The following GFRA1 variants were observed in gnomAD, a reference collection of about 807,000 sequenced individuals.
GFRA1 encodes GDNF family receptor alpha 1, also known as GDNF family receptor alpha-1.
GFRA1 carries 16 observed loss-of-function variants against 51.6 expected under a neutral mutation model. The observed-to-expected ratio is 0.31, with a 90% confidence interval of 0.21 to 0.47. The LOEUF (loss-of-function observed/expected upper bound fraction) is 0.47. GFRA1 is among the 20% of genes least tolerant of loss of function. The pLI is 1.00. For synonymous variants in GFRA1, 270 were observed against 241.3 expected (o/e 1.12, Z -1.10); for missense variants, 530 against 594.3 (o/e 0.89, Z 1.13).
upstream of GFRA1, among the ~76,000 whole-genome samples, chr10:116,273,651 CTCTCTCTCTCTCTCTCTCTG>C (rs1844112285): frequency 5.9e-4 from 3 of 5,056 alleles, no homozygotes; most frequent in South Asian, 0.025. Context: ...CACACACTCT[CTCTCTCTCTCTCTCTCTCTG>C]TCTCTCTCTC....
chr10:116,271,821 G>A (rs1843964812), intron 2 of GFRA1, among the ~76,000 whole-genome samples, 169 bp downstream of exon 2: 1 of 152,128 alleles, frequency 6.6e-6, no homozygotes, highest in Non-Finnish European at 1.5e-5. Context: ...CGCCGCCACC[G>A]CCTCCCTAAC....
intron 5 of GFRA1, among the ~76,000 whole-genome samples, chr10:116,148,371 G>T (rs1036229233): frequency 6.6e-6 from 1 of 151,980 alleles, no homozygotes; most frequent in African/African-American, 2.4e-5. Flanking sequence ...GTGATTGAGG[G>T]TGAAGACTCT....
chr10:116,144,438 G>A (rs1958706434), intron 5 of GFRA1, among the ~76,000 whole-genome samples: 1 of 151,870 alleles, frequency 6.6e-6, no homozygotes, highest in Admixed American at 6.6e-5. Context: ...TAAATGCTGT[G>A]CTAGTTACCT....
Position 116,154,765 on chromosome 10 carries a change from C to G in GFRA1, c.434-29208G>C, listed in dbSNP as rs552132686. ...TTCATCACAAGCCCTTATTGAGCACCTACAGTATGCCAGGTCCTAGGCTGG... is the reference window on the plus strand; with the variant it reads ...TTCATCACAAGCCCTTATTGAGCACGTACAGTATGCCAGGTCCTAGGCTGG... On this transcript the variant is annotated intron_variant, in intron 5 of 10. Transcript: ENST00000355422. Among the ~76,000 whole-genome samples, 11 of 152,292 alleles carry G rather than the reference C, an allele frequency of 7.2e-5. No homozygotes were observed. The South Asian group carries it at 2.3e-3, about 32-fold the overall frequency.
chr10:116,100,216 C>G (rs920142682), intron 6 of GFRA1, among the ~76,000 whole-genome samples: 1 of 152,208 alleles, frequency 6.6e-6, no homozygotes, highest in Non-Finnish European at 1.5e-5. Context: ...TGCATAACAA[C>G]TACGAAGTAT....
At chr10:116,123,557 C>G (rs1957730653) in intron 6 of GFRA1, among the ~76,000 whole-genome samples, 1 of 151,942 alleles carries the variant, frequency 6.6e-6, no homozygotes, top group Non-Finnish European at 1.5e-5. Context: ...TTAAGTTGAA[C>G]AGAAACTCAG....
chr10:116,201,277 C>T (rs1964309172), intron 5 of GFRA1, among the ~76,000 whole-genome samples: 1 of 152,084 alleles, frequency 6.6e-6, no homozygotes, highest in South Asian at 2.1e-4. Flanking sequence ...AATGGGAAAA[C>T]TCAATAGCCA....
At chr10:116,135,441 G>C (rs969631056) in intron 5 of GFRA1, among the ~76,000 whole-genome samples, 2 of 152,052 alleles carry the variant, frequency 1.3e-5, no homozygotes, top group Non-Finnish European at 2.9e-5. Flanking sequence ...GCCAATTACT[G>C]AAAACCGAAT....
At chr10:116,258,357 A>G (rs1373304205) in intron 4 of GFRA1, among the ~76,000 whole-genome samples, 1 of 140,870 alleles carries the variant, frequency 7.1e-6, no homozygotes, top group Non-Finnish European at 1.5e-5. Flanking sequence ...CATATATAAT[A>G]TATAATAATA....
At chr10:116,231,375 G>A (rs1413995237) in intron 4 of GFRA1, among the ~76,000 whole-genome samples, 2 of 152,074 alleles carry the variant, frequency 1.3e-5, no homozygotes, top group African/African-American at 4.8e-5. Context: ...ACTAAATAGT[G>A]GCTCAAATCA....
intron 9 of GFRA1, among the ~76,000 whole-genome samples, chr10:116,070,750 G>C (rs1480882336): frequency 7.0e-6 from 1 of 141,984 alleles, no homozygotes; most frequent in East Asian, 2.1e-4. Flanking sequence ...CCACCTAGAA[G>C]TCTGGAGCCT....
intron 4 of GFRA1, among the ~76,000 whole-genome samples, chr10:116,212,727 C>G (rs560081948): frequency 8.5e-5 from 13 of 152,284 alleles, no homozygotes; most frequent in Admixed American, 8.5e-4. Context: ...GTAGCTCATT[C>G]ATTCTCACTG....
chr10:116,267,007 G>C (rs1281386171), intron 4 of GFRA1, among the ~76,000 whole-genome samples: 1 of 152,178 alleles, frequency 6.6e-6, no homozygotes, highest in African/African-American at 2.4e-5. Flanking sequence ...AGCCGGTGTA[G>C]TGGCACACCT....
chr10:116,171,437 T>C (rs1371607595), intron 5 of GFRA1, among the ~76,000 whole-genome samples: 1 of 152,248 alleles, frequency 6.6e-6, no homozygotes, highest in Non-Finnish European at 1.5e-5. Flanking sequence ...CTGATCCGGC[T>C]TAAATATATT....
intron 5 of GFRA1, among the ~76,000 whole-genome samples, chr10:116,203,481 G>C (rs1964495683): frequency 6.6e-6 from 1 of 152,198 alleles, no homozygotes. Flanking sequence ...CTTCACAGCA[G>C]GTCTCCAAAT....
In GFRA1 at chr10:116,144,681, T is replaced by C. The variant is rs1958718309; in HGVS notation, c.434-19124A>G. Among the ~76,000 whole-genome samples the C allele has an allele frequency of 3.3e-5, 5 of 152,184 alleles. No homozygotes were observed. The South Asian group carries it at 1.0e-3, about 31-fold the overall frequency. ...TAAAATTAGATTCATAAGGTATCCG[T>C]ACATGAAAATAAATTCTAAATAAAT... On this transcript the variant is annotated intron_variant, in intron 5 of 10. Transcript: ENST00000355422.
chr10:116,243,627 T>A (rs1170815245), intron 4 of GFRA1, among the ~76,000 whole-genome samples: 1 of 151,914 alleles, frequency 6.6e-6, no homozygotes, highest in African/African-American at 2.4e-5. Flanking sequence ...ATTTTCAACC[T>A]GGGCTGCACA....
chr10:116,136,472 T>C (rs1327332718), intron 5 of GFRA1, among the ~76,000 whole-genome samples: 1 of 152,206 alleles, frequency 6.6e-6, no homozygotes, highest in Non-Finnish European at 1.5e-5. Context: ...TAACAAAGAA[T>C]CCAAAACCCC....
At chr10:116,128,855 A>AT (rs3837362) in intron 5 of GFRA1, among the ~76,000 whole-genome samples, 2 of 151,800 alleles carry the variant, frequency 1.3e-5, no homozygotes, top group African/African-American at 4.8e-5. Flanking sequence ...GAAAAGCAAT[A>AT]TTTTTTTTAA....
Sources: allele counts gnomAD v4.1 joint callset (sites outside exome capture counted in the v4.1 genomes callset), GRCh38; gene constraint gnomAD v4.1.1; transcripts MANE v1.5; gene names NCBI Gene and HGNC (gene_info 2026-07-23, HGNC 2026-07-21).